RNF144A: variants seen among roughly 807,000 people sequenced by gnomAD.
RNF144A encodes E3 ubiquitin-protein ligase RNF144A.
A neutral mutation model predicts 38.7 loss-of-function variants in RNF144A; 11 were observed. That is an observed-to-expected ratio of 0.28 (90% CI 0.18 to 0.47). RNF144A has a LOEUF of 0.47. RNF144A is among the 20% of genes least tolerant of loss of function. The probability of loss-of-function intolerance (pLI) is 0.99; values close to 1 mark genes in which losing one functional copy is unlikely to be tolerated. For missense variants in RNF144A, 316 were observed against 377.2 expected (o/e 0.84, Z 1.34); for synonymous variants, 149 against 143.9 (o/e 1.04, Z -0.25).
chr2:6,960,237 A>G (rs970286517), intron 2 of RNF144A, among the ~76,000 whole-genome samples: 1 of 152,226 alleles, frequency 6.6e-6, no homozygotes, highest in Non-Finnish European at 1.5e-5. Context: ...GGGACGATGT[A>G]TATCATAGGC....
chr2:6,929,344 G>C (rs951567691), intron 1 of RNF144A, among the ~76,000 whole-genome samples: 1 of 152,146 alleles, frequency 6.6e-6, no homozygotes, highest in Admixed American at 6.5e-5. Context: ...TTGAGACTCA[G>C]AGTTTGACAT....
rs565961401 is a variant in RNF144A at position 6,949,726 on chromosome 2, T to G, written c.-12+8579T>G. On this transcript the variant is annotated intron_variant, in intron 2 of 8. Transcript: ENST00000320892. ...ATTCATTGACAAATCAACATTGGAT[T>G]TTCGGAATTCATTCAGGATCTGTCT... is the stretch of plus-strand genomic sequence containing the variant. Among the ~76,000 whole-genome samples the G allele has an allele frequency of 1.4e-4, 21 of 152,318 alleles. No homozygotes were observed. In the South Asian group the frequency reaches 4.4e-3, roughly 32 times the overall value.
chr2:7,046,465 G>A (rs1231774343), downstream of RNF144A, among the ~76,000 whole-genome samples: 1 of 152,222 alleles, frequency 6.6e-6, no homozygotes, highest in Non-Finnish European at 1.5e-5. Flanking sequence ...CCTGTTTCCT[G>A]TTTGAACATT....
chr2:7,055,294 T>C (rs1431431975), intron 6 of RNF144A, among the ~76,000 whole-genome samples: 1 of 152,224 alleles, frequency 6.6e-6, no homozygotes, highest in Non-Finnish European at 1.5e-5. Context: ...TTCTCTGAGC[T>C]GCAGTTTCAC....
chr2:7,050,420 A>G (rs529019753), intron 6 of RNF144A, among the ~76,000 whole-genome samples: 349 of 152,276 alleles, frequency 2.3e-3, no homozygotes, highest in Non-Finnish European at 4.3e-3. Flanking sequence ...AGTCAGTTAA[A>G]CCTTTTTTCC....
chr2:7,053,126 TATATA>T lies in RNF144A; in HGVS notation c.735-15083_735-15079del, dbSNP rs113861265. Among the ~76,000 whole-genome samples, 673 of 152,354 alleles carry T rather than the reference TATATA, an allele frequency of 4.4e-3. 4 individuals are homozygous for T. Among genetic ancestry groups the T allele is most frequent in the African/African-American group, 0.016 (650 of 41,568 alleles). ...CCATGTTATTTTCTTCTCTGGCTGG[TATATA>T]ATATAAGAGTTGGAAGGAATCGCAA... On this transcript the variant is annotated intron_variant, in intron 6 of 6. Transcript: ENST00000432850.
chr2:6,984,520 T>G (rs946016914), intron 2 of RNF144A, among the ~76,000 whole-genome samples: 1 of 152,154 alleles, frequency 6.6e-6, no homozygotes, highest in African/African-American at 2.4e-5. Context: ...GCCAGGCTGG[T>G]CTCGAGCTCC....
intron 2 of RNF144A, among the ~76,000 whole-genome samples, chr2:6,979,730 T>G (rs1435529150): frequency 6.6e-6 from 1 of 152,224 alleles, no homozygotes; most frequent in Non-Finnish European, 1.5e-5. Flanking sequence ...GTTTAAGTTC[T>G]GAATTTGCCA....
intron 2 of RNF144A, among the ~76,000 whole-genome samples, chr2:6,966,609 G>C (rs1213611293): frequency 6.6e-6 from 1 of 152,230 alleles, no homozygotes; most frequent in African/African-American, 2.4e-5. Context: ...GAGGTTAATA[G>C]TAGCCAAGTT....
At chr2:7,025,503 GTC>G in intron 7 of RNF144A, among the ~76,000 whole-genome samples, 1 of 152,186 alleles carries the variant, frequency 6.6e-6, no homozygotes, top group Non-Finnish European at 1.5e-5. Context: ...GTGAAACCCT[GTC>G]TCTACTAAAA....
At chr2:6,967,480 G>A (rs923275848) in intron 2 of RNF144A, among the ~76,000 whole-genome samples, 2 of 152,146 alleles carry the variant, frequency 1.3e-5, no homozygotes, top group African/African-American at 4.8e-5. Context: ...GGACTTTGAG[G>A]AGCCCCTCAG....
At chr2:7,020,152 G>A (rs893776846) in intron 5 of RNF144A, among the ~76,000 whole-genome samples, 12 of 152,318 alleles carry the variant, frequency 7.9e-5, no homozygotes, top group African/African-American at 2.9e-4. Context: ...AGGATGTGGA[G>A]GCCTTTGAGC....
Position 6,977,059 on chromosome 2 carries a change from G to A in RNF144A, c.-11-19857G>A, listed in dbSNP as rs374936719. Among the ~76,000 whole-genome samples the A allele has an allele frequency of 5.3e-5, 8 of 152,288 alleles. No individual in the cohort carries two copies. In the South Asian group the frequency reaches 1.2e-3, roughly 24 times the overall value. ...TGATCAAAGGATTAAAAAAATTTAA[G>A]TTCCTTGATAAATATTACGCATTGC... On this transcript the variant is annotated intron_variant, in intron 2 of 8. Coordinates refer to ENST00000320892, the MANE Select transcript of RNF144A (RefSeq NM_014746.6).
rs373661956 is a variant in RNF144A at position 7,055,124 on chromosome 2, C to CT, written c.735-13090dup. On this transcript the variant is annotated intron_variant, in intron 6 of 6. Coordinates refer to the RNF144A transcript ENST00000432850. ...CTGTAGCTCTCACTCTCCCAGTTTCCTTCCCACCTTTCTGGCAATTTTTTT... is the reference window on the plus strand; with the variant it reads ...CTGTAGCTCTCACTCTCCCAGTTTCCTTTCCCACCTTTCTGGCAATTTTTTT... 2.2e-3 allele frequency among the ~76,000 whole-genome samples: 332 copies of CT among 152,294 alleles called. 1 individual carries two copies. The highest frequency in any genetic ancestry group is 7.4e-3 in the African/African-American group (307 of 41,562).
intron 2 of RNF144A, among the ~76,000 whole-genome samples, chr2:6,987,328 G>A (rs1572342492): frequency 6.6e-6 from 1 of 152,264 alleles, no homozygotes; most frequent in African/African-American, 2.4e-5. Flanking sequence ...GGCAGTGTTG[G>A]ATGCTTCTCT....
At chr2:6,924,944 T>G (rs1664765817) in intron 1 of RNF144A, among the ~76,000 whole-genome samples, 1 of 152,188 alleles carries the variant, frequency 6.6e-6, no homozygotes, top group Non-Finnish European at 1.5e-5. Flanking sequence ...GGGAAGGGTG[T>G]GGGCTTCCAG....
intron 1 of RNF144A, chr2:6,933,102 T>C (rs1287037787): frequency 6.6e-6 from 1 of 152,256 alleles, no homozygotes; most frequent in Non-Finnish European, 1.5e-5. Context: ...ATACTGCTTT[T>C]TGAAATACTA....
downstream of RNF144A, among the ~76,000 whole-genome samples, chr2:7,068,764 T>G (rs967838240): frequency 4.6e-5 from 7 of 152,182 alleles, no homozygotes; most frequent in Admixed American, 3.9e-4. Context: ...GAGAATGATC[T>G]TGGAGGATGC....
chr2:7,069,544 C>T (rs1300016556), downstream of RNF144A, among the ~76,000 whole-genome samples: 2 of 152,198 alleles, frequency 1.3e-5, no homozygotes, highest in Admixed American at 1.3e-4. Flanking sequence ...CCCTCTCATT[C>T]ATATTCCCAT....
Sources: gnomAD v4.1 joint callset for allele counts (sites outside exome capture counted in the v4.1 genomes callset) on GRCh38, gnomAD v4.1.1 for gene constraint, MANE v1.5 for transcripts, NCBI Gene and HGNC (gene_info 2026-07-23, HGNC 2026-07-21) for gene names.